RELN: variants seen among roughly 807,000 people sequenced by gnomAD.
The protein encoded by RELN is reelin.
In RELN, 108 loss-of-function variants were observed where a neutral mutation model predicts 427.6. That is an observed-to-expected ratio of 0.25 (90% CI 0.22 to 0.30). The LOEUF (loss-of-function observed/expected upper bound fraction) is 0.30, where lower values mean the gene tolerates loss of function less well. RELN is among the 10% of genes least tolerant of loss of function. The pLI is 1.00. For synonymous variants in RELN, 1,524 were observed against 1,513.4 expected (o/e 1.01, Z -0.16); for missense variants, 3,715 against 4,302.8 (o/e 0.86, Z 3.82).
At chr7:103,615,411 T>C (rs1832057356) in intron 20 of RELN, among the ~76,000 whole-genome samples, 1 of 152,188 alleles carries the variant, frequency 6.6e-6, no homozygotes, top group African/African-American at 2.4e-5. Context: ...TGAGGATCTG[T>C]TTTTTGATCA....
At chr7:103,676,100 C>A (rs1397944278) in intron 11 of RELN, among the ~76,000 whole-genome samples, 1 of 152,102 alleles carries the variant, frequency 6.6e-6, no homozygotes, top group Non-Finnish European at 1.5e-5. Flanking sequence ...AGTGAACAGG[C>A]AACCTATAGA....
chr7:103,950,928 ATTGTTG>A (rs541663912), intron 1 of RELN, among the ~76,000 whole-genome samples: 3 of 152,164 alleles, frequency 2.0e-5, no homozygotes, highest in East Asian at 1.9e-4. Flanking sequence ...GTTTTTTGAC[ATTGTTG>A]TTGTTGTTGT....
intron 2 of RELN, among the ~76,000 whole-genome samples, chr7:103,848,699 G>C (rs1409534257): frequency 1.3e-5 from 2 of 152,092 alleles, no homozygotes; most frequent in African/African-American, 2.4e-5. Flanking sequence ...TTGTATTTTG[G>C]GAAGACTATA....
rs1462369530 is a variant in RELN at position 103,520,954 on chromosome 7, G to GTTTTTTT, written c.7668+1067_7668+1068insAAAAAAA. On this transcript the variant is annotated intron_variant, in intron 48 of 64. Coordinates refer to ENST00000428762, the MANE Select transcript of RELN (RefSeq NM_005045.4). The stretch of plus-strand genomic sequence containing the variant: ...GAAATAAAGAGCTGGCAGTAAATTT[G>GTTTTTTT]TTATTTTTTTTTTTTTTTTTTTTTT... Among the ~76,000 whole-genome samples, 293 of 78,104 alleles carry GTTTTTTT rather than the reference G, an allele frequency of 3.8e-3. 36 individuals are homozygous for GTTTTTTT. Among genetic ancestry groups the GTTTTTTT allele is most frequent in the Middle Eastern group, 7.4e-3 (1 of 136 alleles). 51.2% of individuals were successfully genotyped at this position (78,104 alleles called of 152,430 possible).
In RELN at chr7:103,652,771, AG is replaced by A; in HGVS notation, c.1555-13del. 6.2e-7 allele frequency: 1 copy of A among 1,611,406 alleles called. No homozygotes were observed. The highest frequency in any genetic ancestry group is 8.5e-7 in the Non-Finnish European group (1 of 1,178,132). ...ACCAAAGACGGAACCTTTCAAACAA[AG>A]GAGACCAGAATCACTCAAAATCCTT... On this transcript the variant is annotated splice_polypyrimidine_tract_variant and intron_variant, in intron 13 of 64. Transcript: ENST00000428762.
At chr7:103,906,069 G>T (rs1344336285) in intron 2 of RELN, among the ~76,000 whole-genome samples, 4 of 152,110 alleles carry the variant, frequency 2.6e-5, no homozygotes, top group Non-Finnish European at 5.9e-5. Context: ...GTGCAAGGGG[G>T]TATATGTGCA....
At chr7:103,981,313 T>C (rs1796987226) in intron 1 of RELN, among the ~76,000 whole-genome samples, 1 of 152,174 alleles carries the variant, frequency 6.6e-6, no homozygotes, top group South Asian at 2.1e-4. Flanking sequence ...ATTATCAGTA[T>C]ATAAGAGGTC....
At chr7:103,542,072 C>T (rs1004084376) in intron 43 of RELN, among the ~76,000 whole-genome samples, 1 of 152,172 alleles carries the variant, frequency 6.6e-6, no homozygotes, top group African/African-American at 2.4e-5. Context: ...TTTTTATCTT[C>T]CTTGTTAAGT....
At chr7:103,851,128 T>C (rs1179563411) in intron 2 of RELN, among the ~76,000 whole-genome samples, 1 of 152,200 alleles carries the variant, frequency 6.6e-6, no homozygotes. Context: ...GATGTACATA[T>C]ATATATGATG....
At chr7:103,760,206 C>T (rs1791263841) in intron 4 of RELN, among the ~76,000 whole-genome samples, 1 of 151,468 alleles carries the variant, frequency 6.6e-6, no homozygotes, top group South Asian at 2.1e-4. Flanking sequence ...TAAATTCCTC[C>T]CATCATCAAT....
intron 45 of RELN, 149 bp from the exon 46 acceptor site, chr7:103,535,633 C>T (rs1830032569): frequency 1.4e-6 from 1 of 725,160 alleles, no homozygotes. Flanking sequence ...TGAAATGCTT[C>T]CTAGTTTAAT....
At chr7:103,691,390 G>A (rs1199880177) in intron 10 of RELN, among the ~76,000 whole-genome samples, 1 of 152,100 alleles carries the variant, frequency 6.6e-6, no homozygotes, top group Non-Finnish European at 1.5e-5. Context: ...TACTGTGAAT[G>A]ACAATGGTTT....
rs1422505743 is a variant in RELN at position 103,701,025 on chromosome 7, A to G, written c.806-19T>C. 1 of 1,440,432 alleles carries G rather than the reference A, an allele frequency of 6.9e-7. No individual in the cohort carries two copies. Among genetic ancestry groups the G allele is most frequent in the Admixed American group, 1.7e-5 (1 of 59,664 alleles). 89.2% of individuals were successfully genotyped at this position (1,440,432 alleles called of 1,614,324 possible). The stretch of plus-strand genomic sequence containing the variant: ...CCTGACCCTGTAAATAGCAATAACA[A>G]TAAATTTCAAGGTTAAAAAATGGTG... On this transcript the variant is annotated intron_variant, in intron 8 of 64. Transcript: ENST00000428762.
chr7:103,545,779 G>A (rs191129698), intron 41 of RELN, among the ~76,000 whole-genome samples: 2,044 of 151,956 alleles, frequency 0.013, 41 homozygotes, highest in African/African-American at 0.047. Flanking sequence ...GTGGCTGGGC[G>A]TGCCCACCAC....
chr7:103,679,790 G>A (rs1365901903), intron 11 of RELN, among the ~76,000 whole-genome samples: 1 of 152,008 alleles, frequency 6.6e-6, no homozygotes, highest in African/African-American at 2.4e-5. Context: ...TGTCTGATCT[G>A]TTAATTGGAA....
At chr7:103,773,016 G>A (rs182615978) in intron 4 of RELN, among the ~76,000 whole-genome samples, 76 of 152,056 alleles carry the variant, frequency 5.0e-4, no homozygotes, top group Middle Eastern at 3.2e-3. Flanking sequence ...GAGGATATTC[G>A]GCAGTTCCCA....
intron 53 of RELN, among the ~76,000 whole-genome samples, chr7:103,499,734 G>A (rs1002843617): frequency 2.6e-5 from 4 of 152,102 alleles, no homozygotes; most frequent in Non-Finnish European, 2.9e-5. Context: ...AGAAATGCAT[G>A]GTTAACCACG....
chr7:103,901,991 CTT>C (rs1795093382), intron 2 of RELN, among the ~76,000 whole-genome samples: 1 of 152,012 alleles, frequency 6.6e-6, no homozygotes, highest in Non-Finnish European at 1.5e-5. Context: ...CCATGTGAGA[CTT>C]ATTAATATAT....
chr7:103,636,146 A>C, intron 18 of RELN, 89 bp downstream of exon 18: 1 of 928,252 alleles, frequency 1.1e-6, no homozygotes, highest in Non-Finnish European at 1.7e-6. Flanking sequence ...TGTCTATCAG[A>C]AAAAATATAA....
Sources: gnomAD v4.1 joint callset for allele counts (sites outside exome capture counted in the v4.1 genomes callset) on GRCh38, gnomAD v4.1.1 for gene constraint, MANE v1.5 for transcripts, NCBI Gene and HGNC (gene_info 2026-07-23, HGNC 2026-07-21) for gene names.